Variants in ITK observed in about 807,000 individuals in gnomAD.
ITK encodes tyrosine-protein kinase ITK/TSK.
Under a neutral mutation model 87.6 loss-of-function variants are expected in ITK, and 45 were observed. That is an observed-to-expected ratio of 0.51 (90% CI 0.40 to 0.66). The LOEUF (loss-of-function observed/expected upper bound fraction) is 0.66, where lower values mean the gene tolerates loss of function less well. Among genes scored for constraint, ITK ranks in the 30% least tolerant of loss-of-function variants. ITK has a pLI of 0.00. For synonymous variants in ITK, 303 were observed against 273.6 expected, an observed-to-expected ratio of 1.11 and a Z score of -1.06; for missense variants, 605 against 766.3, an observed-to-expected ratio of 0.79 and a Z score of 2.48.
In ITK at chr5:157,207,009, A is replaced by T. The variant is rs571631233; in HGVS notation, c.139-1880A>T. On this transcript the variant is annotated intron_variant, in intron 1 of 16. Coordinates refer to ENST00000422843, the MANE Select transcript of ITK (RefSeq NM_005546.4). ...TGGTAAATTTTATTATATGTAAATT[A>T]TACTTTAATAAAGCTGATTTTTAAA... 1.0e-3 allele frequency among the ~76,000 whole-genome samples: 153 copies of T among 152,326 alleles called. 1 individual carries two copies. Among genetic ancestry groups the T allele is most frequent in the African/African-American group, 3.5e-3 (147 of 41,570 alleles).
intron 2 of ITK, among the ~76,000 whole-genome samples, chr5:157,209,735 T>C (rs1422842414): frequency 6.6e-6 from 1 of 152,066 alleles, no homozygotes; most frequent in Non-Finnish European, 1.5e-5. Context: ...CTGAGGACTA[T>C]CTGGAATCGC....
chr5:157,200,526 C>T (rs561586186), intron 1 of ITK, among the ~76,000 whole-genome samples: 2 of 152,132 alleles, frequency 1.3e-5, no homozygotes, highest in Non-Finnish European at 2.9e-5. Context: ...ACCAGCCACC[C>T]CCCGGGGACC....
intron 15 of ITK, among the ~76,000 whole-genome samples, chr5:157,247,065 C>T (rs1379943042): frequency 6.6e-6 from 1 of 152,144 alleles, no homozygotes; most frequent in Non-Finnish European, 1.5e-5. Context: ...ACAGAAACTA[C>T]TTGAAGATTG....
intron 1 of ITK, among the ~76,000 whole-genome samples, chr5:157,200,532 G>T (rs72807053): frequency 0.11 from 16,799 of 152,096 alleles, 1,188 homozygotes; most frequent in Middle Eastern, 0.2. Flanking sequence ...CACCCCCCGG[G>T]GACCAACTAG....
chr5:157,214,518 C>G (rs1754257452), intron 4 of ITK, among the ~76,000 whole-genome samples, 199 bp downstream of exon 4: 1 of 152,148 alleles, frequency 6.6e-6, no homozygotes, highest in African/African-American at 2.4e-5. Context: ...CTCCTAACCA[C>G]TTGAAGTGTG....
At chr5:157,223,697 A>G (rs1189290180) in intron 6 of ITK, among the ~76,000 whole-genome samples, 2 of 152,142 alleles carry the variant, frequency 1.3e-5, no homozygotes, top group Non-Finnish European at 2.9e-5. Flanking sequence ...CAATAGTTGC[A>G]TCAATCCAGC....
intron 1 of ITK, among the ~76,000 whole-genome samples, chr5:157,197,934 GTATT>G (rs1753883786): frequency 6.6e-6 from 1 of 152,062 alleles, no homozygotes; most frequent in Non-Finnish European, 1.5e-5. Flanking sequence ...TCAGGGAAAT[GTATT>G]TATTCATTTT....
In ITK at chr5:157,184,842, G is replaced by A. The variant is rs181139081; in HGVS notation, c.138+3727G>A. Among the ~76,000 whole-genome samples the A allele has an allele frequency of 2.2e-3, 330 of 149,898 alleles. 1 individual carries two copies. Among genetic ancestry groups the A allele is most frequent in the African/African-American group, 8.2e-3 (323 of 39,258 alleles). Reference sequence around the variant, plus strand: ...AAAGCCCCTCTGGAGAACTGGAAAGGTTCTCCTATTTTGATGACTCTTTGC... The same window carrying A: ...AAAGCCCCTCTGGAGAACTGGAAAGATTCTCCTATTTTGATGACTCTTTGC... On this transcript the variant is annotated intron_variant, in intron 1 of 16. Transcript: ENST00000422843.
rs368975111 is a variant in ITK, at chr5:157,255,078, T to C, written c.*2400T>C. On this transcript the variant is annotated 3_prime_UTR_variant, in exon 17 of 17. Transcript: ENST00000422843. ...ATTAATGTACAGTCACTGCTAGTGT[T>C]CAAAATAAAAATGTTACAAATACCT... 13 of 196,314 alleles carry C rather than the reference T, an allele frequency of 6.6e-5. No individual in the cohort carries two copies. The highest frequency in any genetic ancestry group is 2.8e-4 in the African/African-American group (12 of 43,236). 12.2% of individuals were successfully genotyped at this position (196,314 alleles called of 1,614,324 possible). A position where few individuals can be genotyped will look rare whatever the true frequency, so the allele number is the denominator to read the frequency against.
chr5:157,218,472 G>A (rs246748), intron 5 of ITK, among the ~76,000 whole-genome samples: 34,953 of 145,652 alleles, frequency 0.24, 4,933 homozygotes, highest in Admixed American at 0.31. Context: ...GTGTGCCACT[G>A]CACTTCAACC....
chr5:157,233,457 A>G (rs1754699750), intron 8 of ITK, among the ~76,000 whole-genome samples: 1 of 152,238 alleles, frequency 6.6e-6, no homozygotes, highest in African/African-American at 2.4e-5. Flanking sequence ...CTCTACATCA[A>G]CTCAGCACTT....
intron 16 of ITK, among the ~76,000 whole-genome samples, chr5:157,251,211 A>G (rs2113778921): frequency 6.6e-6 from 1 of 152,328 alleles, no homozygotes; most frequent in East Asian, 1.9e-4. Context: ...ATGTGTAGTC[A>G]TATTACATTG....
intron 6 of ITK, 40 bp from the exon 7 acceptor site, chr5:157,228,256 A>T: frequency 8.6e-7 from 1 of 1,164,398 alleles, no homozygotes. Flanking sequence ...TATAAAACTT[A>T]GTTCTATGTA....
At chr5:157,229,902 G>A (rs932478446) in intron 7 of ITK, among the ~76,000 whole-genome samples, 3 of 152,064 alleles carry the variant, frequency 2.0e-5, no homozygotes, top group East Asian at 1.9e-4. Flanking sequence ...CAACAAGAGC[G>A]AAACTCCATC....
At chr5:157,208,835 A>G in intron 1 of ITK, 54 bp from the exon 2 acceptor site, 1 of 1,289,202 alleles carries the variant, frequency 7.8e-7, no homozygotes, top group Admixed American at 1.7e-5. Flanking sequence ...AGCAATCTGG[A>G]CAAAAATATT....
chr5:157,217,800 G>T, intron 4 of ITK, 67 bp from the exon 5 acceptor site: 1 of 1,416,824 alleles, frequency 7.1e-7, no homozygotes, highest in Non-Finnish European at 1.0e-6. Context: ...CCCCCTGGCT[G>T]CTCACTTCCG....
intron 2 of ITK, among the ~76,000 whole-genome samples, chr5:157,210,859 T>C (rs1244185183): frequency 1.3e-5 from 2 of 151,984 alleles, no homozygotes; most frequent in Non-Finnish European, 2.9e-5. Flanking sequence ...AGGAACTCTG[T>C]ACTATTTCTG....
chr5:157,253,790 C>G lies in ITK; in HGVS notation c.*1112C>G. The G allele has an allele frequency of 4.6e-6, 1 of 217,660 alleles. No homozygotes were observed. The highest frequency in any genetic ancestry group is 9.2e-6 in the Non-Finnish European group (1 of 108,292). 13.5% of individuals were successfully genotyped at this position (217,660 alleles called of 1,614,324 possible). A position where few individuals can be genotyped will look rare whatever the true frequency, so the allele number is the denominator to read the frequency against. On this transcript the variant is annotated 3_prime_UTR_variant, in exon 17 of 17. Coordinates refer to ENST00000422843, the MANE Select transcript of ITK (RefSeq NM_005546.4). ...GAGAAATAAAGAGTCTGTTTTTGCT[C>G]AAACCATCAGGATGGAAACAGTCAG...
chr5:157,187,068 T>C (rs1259497265), intron 1 of ITK, among the ~76,000 whole-genome samples: 1 of 152,244 alleles, frequency 6.6e-6, no homozygotes, highest in African/African-American at 2.4e-5. Context: ...CACCAGGTTT[T>C]CTTCAACGTT....
Sources: gnomAD v4.1 joint callset for allele counts (sites outside exome capture counted in the v4.1 genomes callset) on GRCh38, gnomAD v4.1.1 for gene constraint, MANE v1.5 for transcripts, NCBI Gene and HGNC (gene_info 2026-07-23, HGNC 2026-07-21) for gene names.